Variants in RCL1 observed in about 807,000 individuals in gnomAD.
RCL1 encodes the protein RNA terminal phosphate cyclase like 1.
In RCL1, 24 loss-of-function variants were observed where a neutral mutation model predicts 42.4. The ratio of observed to expected loss-of-function variants is 0.57; its 90% CI spans 0.41 to 0.80. The LOEUF (loss-of-function observed/expected upper bound fraction) is 0.80, where lower values mean the gene tolerates loss of function less well. Ranked by LOEUF, RCL1 falls within the 30% of genes least tolerant of loss-of-function variation. The pLI is 0.00. For missense variants in RCL1, 578 were observed against 467.9 expected (o/e 1.24, Z -2.17); for synonymous variants, 228 against 177.3 (o/e 1.29, Z -2.27).
intron 1 of RCL1, among the ~76,000 whole-genome samples, chr9:4,797,636 T>A (rs1045693598): frequency 2.0e-5 from 3 of 152,234 alleles, no homozygotes; most frequent in Non-Finnish European, 2.9e-5. Context: ...CCATTCAAAA[T>A]GTCAGTAGTG....
At chr9:4,817,803 T>TTTATTTTC (rs1816438388) in intron 1 of RCL1, among the ~76,000 whole-genome samples, 1 of 151,524 alleles carries the variant, frequency 6.6e-6, no homozygotes, top group African/African-American at 2.4e-5. Context: ...AGCTTTATTT[T>TTTATTTTC]TTATTTTCTT....
intron 3 of RCL1, 59 bp downstream of exon 3, chr9:4,827,092 C>A: frequency 1.2e-6 from 2 of 1,609,624 alleles, no homozygotes; most frequent in African/African-American, 2.7e-5. Context: ...CACAACCCAA[C>A]TTGTGAGAAA....
rs35340693 is a variant in RCL1, at chr9:4,800,652, A to ATT, written c.136+7442_136+7443dup. Reference sequence around the variant, plus strand: ...CTGCCCTGTTTTCCAGTGTGGATGTATTTTTTTTTTTTTTTTTTGAGATGG... The same window carrying ATT: ...CTGCCCTGTTTTCCAGTGTGGATGTATTTTTTTTTTTTTTTTTTTTGAGATGG... On this transcript the variant is annotated intron_variant, in intron 1 of 8. Coordinates refer to ENST00000381750, the MANE Select transcript of RCL1 (RefSeq NM_005772.5). Among the ~76,000 whole-genome samples, 301 of 123,936 alleles carry ATT rather than the reference A, an allele frequency of 2.4e-3. 1 individual carries two copies. The highest frequency in any genetic ancestry group is 7.7e-3 in the South Asian group (31 of 4,000). 81.3% of individuals were successfully genotyped at this position (123,936 alleles called of 152,430 possible). A position where few individuals can be genotyped will look rare whatever the true frequency, so the allele number is the denominator to read the frequency against.
At chr9:4,809,262 C>T (rs1816084496) in intron 1 of RCL1, among the ~76,000 whole-genome samples, 1 of 152,134 alleles carries the variant, frequency 6.6e-6, no homozygotes, top group Non-Finnish European at 1.5e-5. Flanking sequence ...CTTCTGTTTC[C>T]ATAGGTAGAG....
chr9:4,799,713 T>A lies in RCL1; in HGVS notation c.136+6486T>A, dbSNP rs1397677627. The stretch of plus-strand genomic sequence containing the variant: ...AATTTTATATTATAAATTAAAAAAA[T>A]TTTTAAAAAGAAAAAACTTGAAGGG... On this transcript the variant is annotated intron_variant, in intron 1 of 8. Transcript: ENST00000381750. Among the ~76,000 whole-genome samples the A allele has an allele frequency of 7.2e-5, 11 of 152,206 alleles. No homozygotes were observed. In the South Asian group the frequency reaches 1.4e-3, roughly 20 times the overall value.
intron 5 of RCL1, 128 bp from the exon 6 acceptor site, chr9:4,841,104 G>A (rs1490156911): frequency 1.0e-6 from 1 of 1,001,724 alleles, no homozygotes; most frequent in South Asian, 1.6e-5. Flanking sequence ...AGTAAATTCA[G>A]TTGGAAAACA....
At chr9:4,824,139 T>C (rs1382944476) in intron 2 of RCL1, among the ~76,000 whole-genome samples, 1 of 152,236 alleles carries the variant, frequency 6.6e-6, no homozygotes, top group Non-Finnish European at 1.5e-5. Flanking sequence ...TCACATTAAA[T>C]TATTTCAGCC....
chr9:4,801,196 G>C (rs563668757), intron 1 of RCL1, among the ~76,000 whole-genome samples: 1 of 152,190 alleles, frequency 6.6e-6, no homozygotes, highest in African/African-American at 2.4e-5. Flanking sequence ...TTTTGAGATA[G>C]GGTCTTGCTT....
At chr9:4,815,239 A>G (rs1419799848) in intron 1 of RCL1, among the ~76,000 whole-genome samples, 1 of 152,124 alleles carries the variant, frequency 6.6e-6, no homozygotes, top group African/African-American at 2.4e-5. Context: ...AACTTTCATA[A>G]CATGAACATT....
chr9:4,803,759 C>T (rs545435664), intron 1 of RCL1: 96 of 163,614 alleles, frequency 5.9e-4, no homozygotes, highest in African/African-American at 9.3e-4. Context: ...TCTCTTCTGG[C>T]GGCGTGGGTC....
At chr9:4,796,379 A>T (rs145047327) in intron 1 of RCL1, among the ~76,000 whole-genome samples, 1 of 152,304 alleles carries the variant, frequency 6.6e-6, no homozygotes, top group East Asian at 1.9e-4. Flanking sequence ...AATGGCCTCT[A>T]GCTCCATGTT....
intron 1 of RCL1, among the ~76,000 whole-genome samples, chr9:4,801,495 G>C (rs917513476): frequency 1.1e-4 from 17 of 152,142 alleles, no homozygotes; most frequent in African/African-American, 4.1e-4. Flanking sequence ...TGTTGCTTTT[G>C]AGACTACTTT....
intron 1 of RCL1, among the ~76,000 whole-genome samples, chr9:4,819,249 C>T (rs543852581): frequency 6.6e-6 from 1 of 152,300 alleles, no homozygotes; most frequent in East Asian, 1.9e-4. Context: ...GAGCCAGCAG[C>T]CTCGATCCCT....
At chr9:4,802,247 A>G (rs1843016430) in intron 1 of RCL1, among the ~76,000 whole-genome samples, 1 of 152,032 alleles carries the variant, frequency 6.6e-6, no homozygotes, top group Non-Finnish European at 1.5e-5. Flanking sequence ...AGTCTTGATT[A>G]CTTACTGTAG....
chr9:4,849,362 T>C (rs1817633654), intron 7 of RCL1, 85 bp from the exon 8 acceptor site: 1 of 926,998 alleles, frequency 1.1e-6, no homozygotes, highest in East Asian at 2.5e-5. Context: ...ATATTATGAG[T>C]GTATGTTTCT....
intron 1 of RCL1, among the ~76,000 whole-genome samples, chr9:4,801,987 C>T (rs1207067922): frequency 6.6e-6 from 1 of 151,744 alleles, no homozygotes; most frequent in Non-Finnish European, 1.5e-5. Context: ...TGGCTCACTG[C>T]AGCCTCCGCC....
chr9:4,803,950 A>G (rs1843050938), intron 1 of RCL1: 1 of 152,484 alleles, frequency 6.6e-6, no homozygotes, highest in Non-Finnish European at 1.5e-5. Flanking sequence ...CCCAGTGGTA[A>G]GGTTTCTCAT....
At chr9:4,850,285 A>G (rs776585351) in intron 8 of RCL1, 13 of 533,154 alleles carry the variant, frequency 2.4e-5, no homozygotes, top group Non-Finnish European at 4.6e-5. Flanking sequence ...ATTCAGGTAG[A>G]TATGAGACTG....
Position 4,827,741 on chromosome 9 carries a change from T to TGTGTGTGTGTGCACGC in RCL1, c.384+719_384+720insCACGCGTGTGTGTGTG, listed in dbSNP as rs1173941983. On this transcript the variant is annotated intron_variant, in intron 3 of 8. Transcript: ENST00000381750. ...GCCATTCTAGGATGAAGTGTGTGTG[T>TGTGTGTGTGTGCACGC]GTGTGTGTGTGTGTGCACGCGTGTG... is the stretch of plus-strand genomic sequence containing the variant. Among the ~76,000 whole-genome samples, 144 of 117,926 alleles carry TGTGTGTGTGTGCACGC rather than the reference T, an allele frequency of 1.2e-3. 1 individual carries two copies. The highest frequency in any genetic ancestry group is 4.2e-3 in the African/African-American group (141 of 33,698). 77.4% of individuals were successfully genotyped at this position (117,926 alleles called of 152,430 possible).
Sources: gnomAD v4.1 joint callset for allele counts (sites outside exome capture counted in the v4.1 genomes callset) on GRCh38, gnomAD v4.1.1 for gene constraint, MANE v1.5 for transcripts, NCBI Gene and HGNC (gene_info 2026-07-23, HGNC 2026-07-21) for gene names.